The following MTFR1 variants were observed in gnomAD, a reference collection of about 807,000 sequenced individuals.
MTFR1 encodes the protein chondrocyte protein with a poly-proline region.
MTFR1 carries 28 observed loss-of-function variants against 38.8 expected under a neutral mutation model. The observed-to-expected ratio is 0.72, with a 90% CI of 0.53 to 0.99. The LOEUF (loss-of-function observed/expected upper bound fraction) is 0.99, where lower values mean the gene tolerates loss of function less well. Among genes scored for constraint, MTFR1 ranks in the 50% least tolerant of loss-of-function variants. MTFR1 has a pLI of 0.00. For missense variants in MTFR1, 358 were observed against 395.5 expected (o/e 0.91, Z 0.81); for synonymous variants, 145 against 137.0 (o/e 1.06, Z -0.41).
At chr8:65,667,387 C>T (rs980021047) in intron 1 of MTFR1, among the ~76,000 whole-genome samples, 2 of 149,946 alleles carry the variant, frequency 1.3e-5, no homozygotes, top group African/African-American at 2.5e-5. Flanking sequence ...AAAAATAATA[C>T]TTAATTTAAA....
downstream of MTFR1, among the ~76,000 whole-genome samples, chr8:65,715,530 A>C (rs1435607382): frequency 6.6e-5 from 10 of 151,670 alleles, no homozygotes; most frequent in African/African-American, 2.4e-4. Flanking sequence ...GGAATGCGCC[A>C]CCACGCCCAG....
chr8:65,694,762 G>A (rs1021486162), intron 4 of MTFR1, among the ~76,000 whole-genome samples: 1 of 152,226 alleles, frequency 6.6e-6, no homozygotes, highest in African/African-American at 2.4e-5. Flanking sequence ...GAGATGTTCA[G>A]CAAGACTTCT....
At position 65,740,762 on chromosome 8, in the gene MTFR1, A is replaced by G. The variant is rs923551101; in HGVS notation, c.*48+21281A>G. ...CCTCCTCAGAGATATTCCTTGTTCTATCAGGTACAACTATCCCCACCCCAC... is the reference window on the plus strand; with the variant it reads ...CCTCCTCAGAGATATTCCTTGTTCTGTCAGGTACAACTATCCCCACCCCAC... On this transcript the variant is annotated intron_variant, in intron 3 of 3. Coordinates refer to the MTFR1 transcript ENST00000521247. Among the ~76,000 whole-genome samples, 6 of 152,210 alleles carry G rather than the reference A, an allele frequency of 3.9e-5. No homozygotes were observed. In the East Asian group the frequency reaches 1.2e-3, roughly 29 times the overall value.
intron 3 of MTFR1, among the ~76,000 whole-genome samples, chr8:65,742,536 T>C (rs1365711662): frequency 6.6e-6 from 1 of 152,124 alleles, no homozygotes; most frequent in African/African-American, 2.4e-5. Context: ...AACTGGGAAA[T>C]TACCAGCATA....
chr8:65,684,604 C>T (rs1805014199), intron 3 of MTFR1, among the ~76,000 whole-genome samples: 1 of 150,714 alleles, frequency 6.6e-6, no homozygotes, highest in African/African-American at 2.4e-5. Context: ...AGGTTGGTCT[C>T]GAACTCCCAA....
chr8:65,673,729 C>A (rs980215182), intron 2 of MTFR1, among the ~76,000 whole-genome samples: 7 of 151,858 alleles, frequency 4.6e-5, no homozygotes, highest in Admixed American at 2.6e-4. Context: ...TGGTGAAACC[C>A]CATCTCTACT....
At chr8:65,770,426 A>G (rs1008110308) in intron 3 of MTFR1, among the ~76,000 whole-genome samples, 1 of 152,212 alleles carries the variant, frequency 6.6e-6, no homozygotes, top group Non-Finnish European at 1.5e-5. Flanking sequence ...CTCTTATAAA[A>G]TCATCAGATT....
intron 7 of MTFR1, chr8:65,708,226 A>G (rs1805844065): frequency 3.1e-6 from 3 of 975,806 alleles, no homozygotes; most frequent in Non-Finnish European, 2.9e-6. Flanking sequence ...AACTATGAAA[A>G]TAATAGTTGT....
chr8:65,727,808 T>C (rs913930681), intron 3 of MTFR1: 1 of 152,354 alleles, frequency 6.6e-6, no homozygotes, highest in Admixed American at 6.5e-5. Context: ...TCATGTTAAG[T>C]GGAAGTCTAT....
At chr8:65,768,837 T>C (rs1371158079) in intron 3 of MTFR1, among the ~76,000 whole-genome samples, 1 of 152,116 alleles carries the variant, frequency 6.6e-6, no homozygotes, top group African/African-American at 2.4e-5. Flanking sequence ...GAATAATAGA[T>C]AATAAAAGAT....
At chr8:65,713,301 C>T (rs910271990), downstream of MTFR1, among the ~76,000 whole-genome samples, 5 of 152,068 alleles carry the variant, frequency 3.3e-5, no homozygotes, top group African/African-American at 1.2e-4. Context: ...ATTAGCCAGG[C>T]GTGGTGGTGC....
chr8:65,666,949 T>G (rs973597361), intron 1 of MTFR1, among the ~76,000 whole-genome samples: 1 of 152,162 alleles, frequency 6.6e-6, no homozygotes, highest in Non-Finnish European at 1.5e-5. Flanking sequence ...AGAATTATAC[T>G]TATAAAGGTA....
At chr8:65,711,732 G>A (rs1453277216), downstream of MTFR1, among the ~76,000 whole-genome samples, 2 of 152,132 alleles carry the variant, frequency 1.3e-5, no homozygotes, top group African/African-American at 2.4e-5. Flanking sequence ...ACCAAGTAAG[G>A]ATCTATAACT....
At chr8:65,680,999 G>A (rs1366508659) in intron 2 of MTFR1, among the ~76,000 whole-genome samples, 2 of 142,248 alleles carry the variant, frequency 1.4e-5, no homozygotes, top group African/African-American at 2.6e-5. Flanking sequence ...TGCAAGCTCC[G>A]CCTCCCGGGT....
Position 65,682,386 on chromosome 8 carries a change from C to G in MTFR1, c.100C>G (p.Arg34Gly). The G allele has an allele frequency of 1.9e-6, 3 of 1,571,334 alleles. No homozygotes were observed. The highest frequency in any genetic ancestry group is 2.6e-6 in the Non-Finnish European group (3 of 1,158,166). The change falls in exon 3 of 8, where the codon CGA becomes GGA. Residue 34 changes from arginine (R) to glycine (G), a missense_variant. By Grantham distance (125) the Arg-to-Gly change is moderately radical. Transcript: ENST00000262146. Reference protein sequence around the residue: ...LWSRKPYGSSRSIVRKIGTNL... With the variant: ...LWSRKPYGSSGSIVRKIGTNL... Reference sequence around the variant, plus strand: ...GTCTAGGAAGCCATATGGTTCGTCTCGAAGTATCGTAAGGAAAATTGGTAC... The same window carrying G: ...GTCTAGGAAGCCATATGGTTCGTCTGGAAGTATCGTAAGGAAAATTGGTAC...
chr8:65,666,756 G>C (rs1366844568), intron 1 of MTFR1, among the ~76,000 whole-genome samples: 1 of 152,092 alleles, frequency 6.6e-6, no homozygotes, highest in African/African-American at 2.4e-5. Flanking sequence ...TAATTTAGTG[G>C]TGTTTGGACA....
At chr8:65,776,945 T>G in the MTFR1 span, among the ~76,000 whole-genome samples, 1 of 152,220 alleles carries the variant, frequency 6.6e-6, no homozygotes, top group African/African-American at 2.4e-5. Context: ...AGAAAGAATG[T>G]TTTAATATTG....
chr8:65,759,968 G>T (rs551472821), intron 3 of MTFR1, among the ~76,000 whole-genome samples: 1 of 152,034 alleles, frequency 6.6e-6, no homozygotes, highest in Non-Finnish European at 1.5e-5. Context: ...AGCTGAGCAC[G>T]GTGGCTCACA....
chr8:65,662,545 C>G (rs1809462146), intron 1 of MTFR1, among the ~76,000 whole-genome samples: 1 of 146,292 alleles, frequency 6.8e-6, no homozygotes, highest in Non-Finnish European at 1.5e-5. Flanking sequence ...AGGAGCGTCT[C>G]TGCCTGGCCG....
Sources: gnomAD v4.1 joint callset for allele counts (sites outside exome capture counted in the v4.1 genomes callset) on GRCh38, gnomAD v4.1.1 for gene constraint, MANE v1.5 for transcripts, NCBI Gene and HGNC (gene_info 2026-07-23, HGNC 2026-07-21) for gene names.